PRKAG2: variants seen among roughly 807,000 people sequenced by gnomAD.
PRKAG2 encodes the protein protein kinase AMP-activated non-catalytic subunit gamma 2.
PRKAG2 carries 26 observed loss-of-function variants against 69.6 expected under a neutral mutation model. The observed-to-expected ratio is 0.37, with a 90% CI of 0.27 to 0.52. The LOEUF is 0.52. Among genes scored for constraint, PRKAG2 ranks in the 20% least tolerant of loss-of-function variants. The pLI is 0.90. For missense variants in PRKAG2, 557 were observed against 740.0 expected, an observed-to-expected ratio of 0.75 and a Z score of 2.87; for synonymous variants, 293 against 285.0, an observed-to-expected ratio of 1.03 and a Z score of -0.28.
intron 3 of PRKAG2, among the ~76,000 whole-genome samples, chr7:151,752,020 T>C (rs1360277756): frequency 1.3e-5 from 2 of 152,084 alleles, no homozygotes; most frequent in Non-Finnish European, 2.9e-5. Flanking sequence ...GCCCACAGCA[T>C]GATGGGGACA....
At chr7:151,698,356 T>A (rs1306380879) in intron 3 of PRKAG2, among the ~76,000 whole-genome samples, 1 of 152,166 alleles carries the variant, frequency 6.6e-6, no homozygotes, top group Non-Finnish European at 1.5e-5. Flanking sequence ...TCGCCTGTGC[T>A]TCCTGGGATC....
intron 5 of PRKAG2, among the ~76,000 whole-genome samples, chr7:151,604,456 G>A (rs1206530018): frequency 6.6e-6 from 1 of 152,008 alleles, no homozygotes; most frequent in South Asian, 2.1e-4. Flanking sequence ...GGGCAACATA[G>A]TGAGATCCCG....
intron 3 of PRKAG2, among the ~76,000 whole-genome samples, chr7:151,761,151 C>T (rs372075952): frequency 6.6e-6 from 1 of 152,202 alleles, no homozygotes; most frequent in Non-Finnish European, 1.5e-5. Flanking sequence ...ACAGGCCAAG[C>T]TAATTTTGGG....
At chr7:151,679,590 G>A (rs1833521476) in intron 3 of PRKAG2, among the ~76,000 whole-genome samples, 1 of 152,116 alleles carries the variant, frequency 6.6e-6, no homozygotes, top group Non-Finnish European at 1.5e-5. Flanking sequence ...GGGCGTTTTA[G>A]GTTCAAAAAC....
At chr7:151,692,551 C>T (rs991259027) in intron 3 of PRKAG2, among the ~76,000 whole-genome samples, 5 of 149,888 alleles carry the variant, frequency 3.3e-5, no homozygotes, top group Non-Finnish European at 5.9e-5. Flanking sequence ...TTTCTCAAAA[C>T]TCTCAGAATA....
At chr7:151,581,249 T>C (rs1213526763) in intron 6 of PRKAG2, among the ~76,000 whole-genome samples, 1 of 152,212 alleles carries the variant, frequency 6.6e-6, no homozygotes, top group Non-Finnish European at 1.5e-5. Flanking sequence ...TAGCAGTAAC[T>C]GCATGAAATG....
chr7:151,592,896 C>CT (rs1434574466), intron 6 of PRKAG2, among the ~76,000 whole-genome samples: 1 of 152,138 alleles, frequency 6.6e-6, no homozygotes, highest in Non-Finnish European at 1.5e-5. Context: ...TCAAATACAT[C>CT]TTTTTACCTT....
chr7:151,636,405 A>G, intron 4 of PRKAG2, among the ~76,000 whole-genome samples: 1 of 152,182 alleles, frequency 6.6e-6, no homozygotes, highest in East Asian at 1.9e-4. Flanking sequence ...CAATGGGATC[A>G]TACAATAGGT....
chr7:151,797,925 A>G (rs948576917), intron 1 of PRKAG2, among the ~76,000 whole-genome samples: 2 of 152,254 alleles, frequency 1.3e-5, no homozygotes, highest in African/African-American at 4.8e-5. Context: ...CTGAATTACA[A>G]TAAGAATGTA....
intron 3 of PRKAG2, among the ~76,000 whole-genome samples, chr7:151,775,832 C>T (rs955691862): frequency 6.6e-6 from 1 of 152,168 alleles, no homozygotes; most frequent in Non-Finnish European, 1.5e-5. Context: ...CTTCCCAAGA[C>T]CCTCCAGATG....
intron 1 of PRKAG2, among the ~76,000 whole-genome samples, chr7:151,876,080 T>TCCCTC (rs1308044997): frequency 2.8e-4 from 5 of 17,868 alleles, no homozygotes; most frequent in Non-Finnish European, 4.4e-4. Context: ...TCCCCTCTCC[T>TCCCTC]CCCTCCCCTC....
At chr7:151,769,549 G>A (rs1011527154) in intron 3 of PRKAG2, among the ~76,000 whole-genome samples, 12 of 152,334 alleles carry the variant, frequency 7.9e-5, no homozygotes, top group African/African-American at 2.6e-4. Flanking sequence ...TAGGAGGGAG[G>A]CCTGGAACAG....
chr7:151,608,705 G>A (rs6464152), intron 5 of PRKAG2, among the ~76,000 whole-genome samples: 9,388 of 151,948 alleles, frequency 0.062, 948 homozygotes, highest in African/African-American at 0.21. Flanking sequence ...AAAGAACACT[G>A]GTGAATCTAG....
rs573344335 is a variant in PRKAG2 at position 151,822,921 on chromosome 7, CCAGCGACTAAT to C, written c.115-36391_115-36381del. Among the ~76,000 whole-genome samples the C allele has an allele frequency of 1.7e-3, 262 of 152,332 alleles. 2 individuals carry two copies. The highest frequency in any genetic ancestry group is 6.2e-3 in the African/African-American group (257 of 41,570). ...AATGAAACAAACAAGAAAACAACCT[CCAGCGACTAAT>C]CAGCCTGGGGAAGCTGAGTGGCCGC... is the stretch of plus-strand genomic sequence containing the variant. On this transcript the variant is annotated intron_variant, in intron 1 of 15. Transcript: ENST00000287878.
intron 3 of PRKAG2, among the ~76,000 whole-genome samples, chr7:151,766,484 C>T (rs1032736743): frequency 3.3e-5 from 5 of 152,182 alleles, no homozygotes; most frequent in African/African-American, 1.2e-4. Flanking sequence ...AAGGAGAAAA[C>T]CAAAGGCGAG....
chr7:151,591,365 C>T (rs1813090972), intron 6 of PRKAG2, among the ~76,000 whole-genome samples: 2 of 152,256 alleles, frequency 1.3e-5, no homozygotes, highest in Non-Finnish European at 2.9e-5. Context: ...CTTCACACTG[C>T]ACACTGCCAC....
At chr7:151,642,472 TGA>T (rs1826902693) in intron 4 of PRKAG2, among the ~76,000 whole-genome samples, 1 of 152,184 alleles carries the variant, frequency 6.6e-6, no homozygotes, top group Non-Finnish European at 1.5e-5. Flanking sequence ...AAGGCTGCAG[TGA>T]GCTGTGATCA....
rs375398155 is a variant in PRKAG2 at position 151,781,343 on chromosome 7, G to T, written c.275C>A (p.Pro92His). The T allele has an allele frequency of 2.5e-6, 4 of 1,613,822 alleles. No homozygotes were observed. Among genetic ancestry groups the T allele is most frequent in the Non-Finnish European group, 3.4e-6 (4 of 1,179,984 alleles). ...GCCGGGGCTGGTCTTGGGCCTCACA[G>T]GTGCAGACATGGGGCTGGAGGGCCG... ...QPRPSSPMSA[P>H]VRPKTSPGSP... Residue 92 changes from proline to histidine, a missense_variant, in exon 3 of 16, where the codon CCT (proline) becomes CAT (histidine). Physicochemically the swap from Pro to His is moderately conservative, Grantham distance 77. This residue lies in a region of PRKAG2 where 352 missense variants were observed against 356.7 expected (regional missense o/e 0.99). Coordinates refer to ENST00000287878, the MANE Select transcript of PRKAG2 (RefSeq NM_016203.4). The surrounding 1 kb of genome is among the most constrained non-coding windows in gnomAD (Gnocchi z 6.1).
At position 151,876,701 on chromosome 7, in the gene PRKAG2, C is replaced by G; in HGVS notation, c.-81G>C. ...CCCTCCCCCGGCCGCTGCCTTCGGA[C>G]TGGAGCCGCGCGCTCTGTTACACCC... is the stretch of plus-strand genomic sequence containing the variant. On this transcript the variant is annotated 5_prime_UTR_variant, in exon 1 of 16. Coordinates refer to ENST00000287878, the MANE Select transcript of PRKAG2 (RefSeq NM_016203.4). The G allele has an allele frequency of 7.3e-7, 1 of 1,364,324 alleles. No homozygotes were observed. Among genetic ancestry groups the G allele is most frequent in the Non-Finnish European group, 1.0e-6 (1 of 976,488 alleles). 84.5% of individuals were successfully genotyped at this position (1,364,324 alleles called of 1,614,324 possible). A position where few individuals can be genotyped will look rare whatever the true frequency, so the allele number is the denominator to read the frequency against.
Sources: gnomAD v4.1 joint callset for allele counts (sites outside exome capture counted in the v4.1 genomes callset) on GRCh38, gnomAD v4.1.1 for gene constraint, gnomAD v4.1.1 regional missense constraint, Gnocchi (gnomAD v3.1) non-coding constraint, MANE v1.5 for transcripts, NCBI Gene and HGNC (gene_info 2026-07-23, HGNC 2026-07-21) for gene names.